Variants in CASR observed in about 807,000 individuals in gnomAD.
The protein encoded by CASR is extracellular calcium-sensing receptor.
In CASR, 23 loss-of-function variants were observed where a neutral mutation model predicts 69.1. The observed-to-expected ratio is 0.33, with a 90% CI of 0.24 to 0.47. CASR has a LOEUF of 0.47. Ranked by LOEUF, CASR falls within the 20% of genes least tolerant of loss-of-function variation. The pLI is 1.00. For missense variants in CASR, 924 were observed against 1,356.1 expected, an observed-to-expected ratio of 0.68 and a Z score of 5.00; for synonymous variants, 541 against 544.7, an observed-to-expected ratio of 0.99 and a Z score of 0.10.
chr3:122,248,012 A>G (rs1000140191), intron 1 of CASR, among the ~76,000 whole-genome samples: 21 of 152,272 alleles, frequency 1.4e-4, no homozygotes, highest in South Asian at 1.0e-3. Context: ...GGACTCCCCA[A>G]AAGTCACACC....
In CASR at chr3:122,254,139, C is replaced by A; in HGVS notation, c.-51C>A. On this transcript the variant is annotated 5_prime_UTR_variant, in exon 2 of 7. Coordinates refer to ENST00000639785, the MANE Select transcript of CASR (RefSeq NM_000388.4). ...GCTCCAAGGGAGAAACTTCTGGGAG[C>A]CTCCAAACTCCTAGCTGTCTCATCC... 6.3e-7 allele frequency: 1 copy of A among 1,578,426 alleles called. No homozygotes were observed. The highest frequency in any genetic ancestry group is 2.2e-5 in the East Asian group (1 of 44,720).
At chr3:122,213,833 T>C (rs1226616762) in intron 1 of CASR, among the ~76,000 whole-genome samples, 1 of 152,222 alleles carries the variant, frequency 6.6e-6, no homozygotes, top group Non-Finnish European at 1.5e-5. Flanking sequence ...GATGACTTAC[T>C]CATACTGGCT....
In CASR at chr3:122,275,946, G is replaced by A. The variant is rs2074813597; in HGVS notation, c.1512G>A (p.Val504=). ...WHLSPEDGSI[V]FKEVGYYNVY... ...TCTCCCCAGAGGATGGCTCCATCGT[G>A]TTTAAGGAAGTCGGGTATTACAACG... The change falls in exon 5 of 7, where the codon GTG becomes GTA. Residue 504 remains valine (V), a synonymous_variant. Transcript: ENST00000639785. The A allele has an allele frequency of 6.2e-7, 1 of 1,614,116 alleles. No homozygotes were observed. The highest frequency in any genetic ancestry group is 8.5e-7 in the Non-Finnish European group (1 of 1,179,938).
At chr3:122,204,020 A>C (rs1217897422) in intron 1 of CASR, among the ~76,000 whole-genome samples, 1 of 152,086 alleles carries the variant, frequency 6.6e-6, no homozygotes, top group Non-Finnish European at 1.5e-5. Flanking sequence ...AATTTAATAC[A>C]TTCATGTATC....
At chr3:122,200,024 C>A (rs1248210796) in intron 1 of CASR, among the ~76,000 whole-genome samples, 1 of 152,214 alleles carries the variant, frequency 6.6e-6, no homozygotes, top group Non-Finnish European at 1.5e-5. Context: ...TCTCCTGCCT[C>A]AGCCTCCCAA....
intron 4 of CASR, among the ~76,000 whole-genome samples, chr3:122,270,127 C>T (rs894355059): frequency 2.6e-5 from 4 of 152,158 alleles, no homozygotes; most frequent in African/African-American, 9.7e-5. Flanking sequence ...CAGGCATGAA[C>T]CACTGTCCAT....
rs559589506 is a variant in CASR at position 122,199,306 on chromosome 3, A to C, written c.-243+15494A>C. On this transcript the variant is annotated intron_variant, in intron 1 of 6. Coordinates refer to ENST00000639785, the MANE Select transcript of CASR (RefSeq NM_000388.4). Reference sequence around the variant, plus strand: ...TCGCTTTGGCCTTCTATTCAATCTGAGAAGTGCTTATTATATAGTTCTTCC... The same window carrying C: ...TCGCTTTGGCCTTCTATTCAATCTGCGAAGTGCTTATTATATAGTTCTTCC... Among the ~76,000 whole-genome samples the C allele has an allele frequency of 2.2e-4, 34 of 152,304 alleles. No homozygotes were observed. The East Asian group carries it at 5.6e-3, about 25-fold the overall frequency.
intron 1 of CASR, among the ~76,000 whole-genome samples, chr3:122,213,479 G>A (rs2074087837): frequency 6.6e-6 from 1 of 152,094 alleles, no homozygotes; most frequent in African/African-American, 2.4e-5. Flanking sequence ...CCTCTTTATG[G>A]CTTCATTACC....
chr3:122,269,054 AAG>A (rs1305569533), intron 4 of CASR, among the ~76,000 whole-genome samples: 1 of 152,254 alleles, frequency 6.6e-6, no homozygotes, highest in Non-Finnish European at 1.5e-5. Flanking sequence ...TAGGCCTCCT[AAG>A]AATCTTTATC....
At chr3:122,198,573 G>A (rs2073912336) in intron 1 of CASR, among the ~76,000 whole-genome samples, 1 of 151,792 alleles carries the variant, frequency 6.6e-6, no homozygotes, top group South Asian at 2.1e-4. Context: ...CTTTTTGAGG[G>A]ATTTTTTATT....
intron 1 of CASR, among the ~76,000 whole-genome samples, chr3:122,204,067 C>A (rs1433995018): frequency 6.6e-6 from 1 of 152,040 alleles, no homozygotes; most frequent in African/African-American, 2.4e-5. Flanking sequence ...GGATATCCAT[C>A]ACCTTAAATA....
intron 4 of CASR, among the ~76,000 whole-genome samples, chr3:122,264,592 T>C (rs1490619335): frequency 6.6e-6 from 1 of 152,198 alleles, no homozygotes; most frequent in Admixed American, 6.5e-5. Context: ...GGTAAAGATA[T>C]GTTCTCCTGA....
chr3:122,279,562 C>G (rs1269969560), intron 5 of CASR, among the ~76,000 whole-genome samples: 7 of 152,122 alleles, frequency 4.6e-5, no homozygotes, highest in Non-Finnish European at 1.0e-4. Context: ...CCAAACTTTA[C>G]AAAGTTCATA....
At chr3:122,200,577 A>C (rs926237500) in intron 1 of CASR, among the ~76,000 whole-genome samples, 1 of 152,100 alleles carries the variant, frequency 6.6e-6, no homozygotes, top group Non-Finnish European at 1.5e-5. Context: ...TAGTTTATTC[A>C]TTTTTACTGC....
intron 1 of CASR, among the ~76,000 whole-genome samples, chr3:122,222,188 G>C (rs1469724564): frequency 6.6e-6 from 1 of 152,170 alleles, no homozygotes; most frequent in Non-Finnish European, 1.5e-5. Flanking sequence ...CCTTGGGAGG[G>C]TCCATTCCTA....
intron 4 of CASR, among the ~76,000 whole-genome samples, chr3:122,274,469 C>T (rs1485252556): frequency 6.6e-6 from 1 of 152,232 alleles, no homozygotes; most frequent in Non-Finnish European, 1.5e-5. Flanking sequence ...AGGAGAGGTA[C>T]TGGCTCAGTC....
chr3:122,186,138 A>C (rs1049395924), intron 1 of CASR, among the ~76,000 whole-genome samples: 1 of 152,198 alleles, frequency 6.6e-6, no homozygotes, highest in Non-Finnish European at 1.5e-5. Context: ...TTTTTTACTG[A>C]ATTAGCAGGT....
At chr3:122,189,684 A>C (rs545016343) in intron 1 of CASR, among the ~76,000 whole-genome samples, 1 of 152,204 alleles carries the variant, frequency 6.6e-6, no homozygotes, top group Non-Finnish European at 1.5e-5. Context: ...GAGTAATTTG[A>C]CTTCTTCCTC....
At chr3:122,275,767 A>G in intron 4 of CASR, 45 bp from the exon 5 acceptor site, 1 of 1,288,800 alleles carries the variant, frequency 7.8e-7, no homozygotes, top group Non-Finnish European at 1.1e-6. Flanking sequence ...AATTAGTTCT[A>G]TGTGGCAGCC....
Sources: gnomAD v4.1 joint callset for allele counts (sites outside exome capture counted in the v4.1 genomes callset) on GRCh38, gnomAD v4.1.1 for gene constraint, MANE v1.5 for transcripts, NCBI Gene and HGNC (gene_info 2026-07-23, HGNC 2026-07-21) for gene names.